EIF2AK4: variants seen among roughly 807,000 people sequenced by gnomAD.
The protein encoded by EIF2AK4 is eukaryotic translation initiation factor 2 alpha kinase 4.
In EIF2AK4, 139 loss-of-function variants were observed where a neutral mutation model predicts 211.1. The observed-to-expected ratio is 0.66, with a 90% confidence interval of 0.57 to 0.76. The LOEUF is 0.76. Ranked by LOEUF, EIF2AK4 falls within the 30% of genes least tolerant of loss-of-function variation. The pLI, the probability that EIF2AK4 is intolerant of heterozygous loss-of-function variation, is 0.00. For synonymous variants in EIF2AK4, 710 were observed against 751.3 expected (o/e 0.94, Z 0.90); for missense variants, 1,664 against 2,043.8 (o/e 0.81, Z 3.58).
intron 15 of EIF2AK4, 53 bp from the exon 16 acceptor site, chr15:39,990,220 T>C (rs1416353864): frequency 6.4e-7 from 1 of 1,553,936 alleles, no homozygotes; most frequent in Non-Finnish European, 8.9e-7. Context: ...AGGAAGTAGG[T>C]ATAACTTTAT....
intron 13 of EIF2AK4, among the ~76,000 whole-genome samples, chr15:39,980,994 G>T (rs2034774930): frequency 6.6e-6 from 1 of 152,162 alleles, no homozygotes; most frequent in South Asian, 2.1e-4. Context: ...TAGCCAGTGT[G>T]TTTTTCTATA....
rs767715986 is a variant in EIF2AK4 at position 39,985,907 on chromosome 15, G to A, written c.2403+19G>A. 3.1e-6 allele frequency: 5 copies of A among 1,610,380 alleles called. No individual in the cohort carries two copies. Among genetic ancestry groups the A allele is most frequent in the African/African-American group, 1.3e-5 (1 of 74,854 alleles). On this transcript the variant is annotated intron_variant, in intron 14 of 38. Coordinates refer to ENST00000263791, the MANE Select transcript of EIF2AK4 (RefSeq NM_001013703.4). ...CATCCAGGTGAGGTCGTGGTGTGTAGTTAGGTGACACAGCAACACCCAGTA... is the reference window on the plus strand; with the variant it reads ...CATCCAGGTGAGGTCGTGGTGTGTAATTAGGTGACACAGCAACACCCAGTA...
chr15:39,996,108 G>A (rs1022660382), intron 18 of EIF2AK4, among the ~76,000 whole-genome samples: 4 of 152,050 alleles, frequency 2.6e-5, no homozygotes, highest in African/African-American at 9.7e-5. Flanking sequence ...AGATCATGTA[G>A]TATTTGCCTT....
At chr15:39,940,039 GGA>G (rs1313539724) in intron 2 of EIF2AK4, among the ~76,000 whole-genome samples, 3 of 152,172 alleles carry the variant, frequency 2.0e-5, no homozygotes, top group African/African-American at 7.2e-5. Flanking sequence ...CTAGAGTGAG[GGA>G]GAGTATTTGG....
Position 39,961,758 on chromosome 15 carries a change from A to T in EIF2AK4, c.744-26A>T, listed in dbSNP as rs115784946. 4.4e-4 allele frequency: 687 copies of T among 1,544,120 alleles called. 5 individuals carry two copies. The African/African-American group carries it at 8.5e-3, about 19-fold the overall frequency. On this transcript the variant is annotated intron_variant, in intron 6 of 38. Transcript: ENST00000263791. ...AAAAAAATGAAAAATGATTGTTCAAATGTATTGTTCAAATTTATTTTTAAG... is the reference window on the plus strand; with the variant it reads ...AAAAAAATGAAAAATGATTGTTCAATTGTATTGTTCAAATTTATTTTTAAG...
intron 10 of EIF2AK4, 138 bp downstream of exon 10, chr15:39,973,152 G>A: frequency 1.4e-6 from 1 of 728,176 alleles, no homozygotes; most frequent in Non-Finnish European, 2.3e-6. Flanking sequence ...TTAGTTTGAT[G>A]TGTGCCATGT....
At chr15:39,999,942 A>T (rs1336022828) in intron 20 of EIF2AK4, among the ~76,000 whole-genome samples, 5 of 152,202 alleles carry the variant, frequency 3.3e-5, no homozygotes, top group African/African-American at 1.2e-4. Context: ...TATATATTAG[A>T]TACCCTTGAG....
chr15:40,028,195 C>G (rs1045596395), intron 33 of EIF2AK4, among the ~76,000 whole-genome samples: 4 of 151,854 alleles, frequency 2.6e-5, no homozygotes, highest in Non-Finnish European at 5.9e-5. Flanking sequence ...TTCTTGGCCT[C>G]CTGAGTAGCT....
intron 2 of EIF2AK4, among the ~76,000 whole-genome samples, chr15:39,943,144 A>T (rs900414966): frequency 2.6e-5 from 4 of 152,136 alleles, no homozygotes; most frequent in African/African-American, 9.7e-5. Context: ...CTGAAATTAG[A>T]TACAGGGGTC....
At chr15:39,940,581 A>G (rs562495593) in intron 2 of EIF2AK4, among the ~76,000 whole-genome samples, 5 of 152,286 alleles carry the variant, frequency 3.3e-5, no homozygotes, top group African/African-American at 9.6e-5. Context: ...TAGGTATACT[A>G]TACATACTAT....
At chr15:39,960,034 G>A (rs193204488) in intron 6 of EIF2AK4, among the ~76,000 whole-genome samples, 113 of 152,044 alleles carry the variant, frequency 7.4e-4, no homozygotes, top group African/African-American at 2.6e-3. Context: ...CATGGTGGCG[G>A]GGGCCTATAG....
At chr15:40,005,093 T>G (rs35707718) in intron 23 of EIF2AK4, among the ~76,000 whole-genome samples, 25,817 of 152,200 alleles carry the variant, frequency 0.17, 2,692 homozygotes, top group Non-Finnish European at 0.24. Flanking sequence ...ATATTATAAG[T>G]AATCTAAAGA....
rs1595422097 is a variant in EIF2AK4, at chr15:40,002,739, G to A, written c.3186G>A (p.Lys1062=). ...LKGNFSIRTA[K]MQQHVCETII... ...GCAACTTCTCAATCCGTACAGCCAA[G>A]ATGCAGCAGCATGTGTGTGAAACCA... is the stretch of plus-strand genomic sequence containing the variant. Residue 1062 remains lysine, a synonymous_variant, in exon 22 of 39, where the codon AAG becomes AAA. Coordinates refer to ENST00000263791, the MANE Select transcript of EIF2AK4 (RefSeq NM_001013703.4). The A allele has an allele frequency of 6.2e-7, 1 of 1,614,226 alleles. No individual in the cohort carries two copies. Among genetic ancestry groups the A allele is most frequent in the Middle Eastern group, 1.6e-4 (1 of 6,062 alleles).
intron 30 of EIF2AK4, among the ~76,000 whole-genome samples, chr15:40,020,196 G>C (rs1595433534): frequency 2.0e-5 from 3 of 150,436 alleles, no homozygotes; most frequent in East Asian, 3.9e-4. Context: ...GAAAAGAAAA[G>C]AAATCCTGCT....
At chr15:40,003,122 T>C in intron 22 of EIF2AK4, 71 bp from the exon 23 acceptor site, 1 of 1,579,390 alleles carries the variant, frequency 6.3e-7, no homozygotes, top group Non-Finnish European at 8.6e-7. Context: ...GTCAGGTTTG[T>C]GTTAATTTTA....
chr15:39,961,882 A>G lies in EIF2AK4; in HGVS notation c.842A>G (p.His281Arg). 1.2e-6 allele frequency: 2 copies of G among 1,613,398 alleles called. No homozygotes were observed. Among genetic ancestry groups the G allele is most frequent in the Non-Finnish European group, 1.7e-6 (2 of 1,179,748 alleles). Reference sequence around the variant, plus strand: ...GGGAGTCCTGATCAGCTCATGGTGCACAAAGGGAAATGTATTGGTGAGTAA... The same window carrying G: ...GGGAGTCCTGATCAGCTCATGGTGCGCAAAGGGAAATGTATTGGTGAGTAA... The part of the protein sequence containing the change: ...NMGSPDQLMV[H>R]KGKCIGSDEQ... The change falls in exon 7 of 39, where the codon CAC (histidine) becomes CGC (arginine). Residue 281 changes from histidine (H) to arginine (R), a missense_variant. Physicochemically the swap from His to Arg is conservative, Grantham distance 29 (BLOSUM62 0). Around this residue, in one of 7 missense-constraint regions of EIF2AK4, gnomAD observed 641 missense variants for 729.6 expected, o/e 0.88. Transcript: ENST00000263791.
Position 39,934,309 on chromosome 15 carries a change from C to A in EIF2AK4, c.114C>A (p.Phe38Leu). ...QALEAIYGAD[F>L]QDLRPDACGP... ...TGGAGGCCATTTACGGCGCGGACTT[C>A]CAAGACCTGCGGCCGGACGCTTGCG... The change falls in exon 1 of 39, where the codon TTC (phenylalanine) becomes TTA (leucine). Residue 38 changes from phenylalanine (F) to leucine (L), a missense_variant. By Grantham distance (22) the Phe-to-Leu change is conservative (BLOSUM62 0). Transcript: ENST00000263791. The A allele has an allele frequency of 6.2e-7, 1 of 1,611,760 alleles. No individual in the cohort carries two copies. Among genetic ancestry groups the A allele is most frequent in the South Asian group, 1.1e-5 (1 of 90,652 alleles).
intron 10 of EIF2AK4, 88 bp downstream of exon 10, chr15:39,973,102 G>A: frequency 1.9e-6 from 2 of 1,058,600 alleles, no homozygotes; most frequent in Non-Finnish European, 2.9e-6. Flanking sequence ...GGAAGGGGCT[G>A]CATGTGTTAT....
intron 9 of EIF2AK4, among the ~76,000 whole-genome samples, chr15:39,968,592 C>T (rs2034576870): frequency 6.6e-6 from 1 of 152,332 alleles, no homozygotes; most frequent in South Asian, 2.1e-4. Flanking sequence ...TTTCCAGATG[C>T]TCCTCTGGTC....
Sources: gnomAD v4.1 joint callset for allele counts (sites outside exome capture counted in the v4.1 genomes callset) on GRCh38, gnomAD v4.1.1 for gene constraint, gnomAD v4.1.1 regional missense constraint, MANE v1.5 for transcripts, NCBI Gene and HGNC (gene_info 2026-07-23, HGNC 2026-07-21) for gene names.